OTOA: variants seen among roughly 807,000 people sequenced by gnomAD.
OTOA encodes the protein otoancorin.
Under a neutral mutation model 110.8 loss-of-function variants are expected in OTOA, and 70 were observed. That is an observed-to-expected ratio of 0.63 (90% confidence interval 0.52 to 0.77). OTOA has a LOEUF of 0.77. Ranked by LOEUF, OTOA falls within the 30% of genes least tolerant of loss-of-function variation. The pLI, the probability that OTOA is intolerant of heterozygous loss-of-function variation, is 0.00. For synonymous variants in OTOA, 373 were observed against 431.5 expected, an observed-to-expected ratio of 0.86 and a Z score of 1.68; for missense variants, 917 against 1,075.8, an observed-to-expected ratio of 0.85 and a Z score of 2.06.
intron 8 of OTOA, 99 bp downstream of exon 8, chr16:21,687,747 A>C (rs187304579): frequency 2.9e-6 from 3 of 1,027,814 alleles, no homozygotes; most frequent in Admixed American, 2.1e-5. Flanking sequence ...GGCTCACTGC[A>C]ACCTCTGCCT....
chr16:21,758,894 C>T (rs1351399894), intron 28 of OTOA, among the ~76,000 whole-genome samples: 4 of 151,514 alleles, frequency 2.6e-5, no homozygotes, highest in African/African-American at 4.9e-5. Context: ...CCCAGCTATT[C>T]GGGAGGCTAA....
At chr16:21,701,862 G>A (rs541634363) in intron 11 of OTOA, among the ~76,000 whole-genome samples, 7 of 148,272 alleles carry the variant, frequency 4.7e-5, no homozygotes, top group African/African-American at 1.5e-4. Context: ...CTCTTGAACT[G>A]CTGACCTCAG....
At chr16:21,724,748 T>G (rs149226174) in intron 18 of OTOA, among the ~76,000 whole-genome samples, 1 of 152,156 alleles carries the variant, frequency 6.6e-6, no homozygotes, top group African/African-American at 2.4e-5. Flanking sequence ...AGCCATTTTA[T>G]TTTCTTCCTT....
intron 22 of OTOA, among the ~76,000 whole-genome samples, chr16:21,736,909 G>T (rs528797859): frequency 3.3e-5 from 5 of 152,284 alleles, no homozygotes; most frequent in Non-Finnish European, 5.9e-5. Context: ...GGTTTAATGC[G>T]TGAATATGTG....
At chr16:21,691,029 T>C (rs1468276379) in intron 8 of OTOA, among the ~76,000 whole-genome samples, 3 of 136,332 alleles carry the variant, frequency 2.2e-5, no homozygotes, top group African/African-American at 5.5e-5. Context: ...AGTGATCTCA[T>C]TGTTCAATTC....
At chr16:21,674,731 T>C (rs1316654179) in intron 1 of OTOA, among the ~76,000 whole-genome samples, 1 of 151,780 alleles carries the variant, frequency 6.6e-6, no homozygotes, top group Non-Finnish European at 1.5e-5. Flanking sequence ...CAGTGCTGAG[T>C]ATCTTCCCAT....
intron 10 of OTOA, among the ~76,000 whole-genome samples, chr16:21,698,457 GATT>G (rs1364920554): frequency 6.6e-6 from 1 of 152,154 alleles, no homozygotes; most frequent in East Asian, 1.9e-4. Flanking sequence ...TGGGCATCAT[GATT>G]CTTGAATGCG....
At chr16:21,687,702 C>G in intron 8 of OTOA, 54 bp downstream of exon 8, 1 of 1,461,232 alleles carries the variant, frequency 6.8e-7, no homozygotes, top group Non-Finnish European at 9.3e-7. Flanking sequence ...GAGTTTCACT[C>G]TGTCGCCCAG....
At chr16:21,734,459 A>G (rs1156377470) in intron 21 of OTOA, among the ~76,000 whole-genome samples, 1 of 151,404 alleles carries the variant, frequency 6.6e-6, no homozygotes, top group African/African-American at 2.4e-5. Flanking sequence ...AATTTGTACA[A>G]CAAACCTCCA....
chr16:21,675,512 A>G (rs1357818362), intron 1 of OTOA, among the ~76,000 whole-genome samples: 1 of 151,558 alleles, frequency 6.6e-6, no homozygotes, highest in African/African-American at 2.4e-5. Flanking sequence ...CTCCAGTTAC[A>G]CATATTTCAA....
At chr16:21,714,707 G>A (rs182113794) in intron 13 of OTOA, among the ~76,000 whole-genome samples, 21 of 151,988 alleles carry the variant, frequency 1.4e-4, no homozygotes, top group Admixed American at 1.2e-3. Flanking sequence ...AGATGGGGTT[G>A]CACCATGTTG....
At chr16:21,664,697 G>A (rs976956278) in intron 1 of OTOA, among the ~76,000 whole-genome samples, 2 of 152,000 alleles carry the variant, frequency 1.3e-5, no homozygotes, top group African/African-American at 4.8e-5. Flanking sequence ...TGCAGGTAAA[G>A]GCCGGGGCTC....
chr16:21,674,118 A>G (rs534245477), intron 1 of OTOA, among the ~76,000 whole-genome samples: 94 of 151,874 alleles, frequency 6.2e-4, no homozygotes, highest in Admixed American at 1.8e-3. Flanking sequence ...TTTTATGTGA[A>G]CATAAATTTT....
intron 7 of OTOA, among the ~76,000 whole-genome samples, chr16:21,687,072 GA>G (rs1897729778): frequency 1.3e-5 from 2 of 152,148 alleles, no homozygotes; most frequent in South Asian, 2.1e-4. Context: ...AAGTTGGAGG[GA>G]TCAGAGACTT....
chr16:21,732,191 C>A (rs916574007), intron 21 of OTOA, among the ~76,000 whole-genome samples: 16 of 152,322 alleles, frequency 1.1e-4, no homozygotes, highest in Admixed American at 9.8e-4. Flanking sequence ...GTCTTGAACT[C>A]CTGACCTCAA....
At chr16:21,713,380 G>T (rs1166450749) in intron 13 of OTOA, among the ~76,000 whole-genome samples, 1 of 152,254 alleles carries the variant, frequency 6.6e-6, no homozygotes, top group South Asian at 2.1e-4. Context: ...GCAGGATGTC[G>T]GTAGAGAGGG....
chr16:21,696,357 T>A lies in OTOA; in HGVS notation c.740-1418T>A, dbSNP rs552523159. Among the ~76,000 whole-genome samples the A allele has an allele frequency of 5.3e-5, 8 of 152,150 alleles. No homozygotes were observed. In the East Asian group the frequency reaches 1.5e-3, roughly 29 times the overall value. ...AAGGGAGAGGAAAATTTGAGCTTGA[T>A]CTTAAAGTAGGATTTGGATGCAGAA... On this transcript the variant is annotated intron_variant, in intron 9 of 28. Transcript: ENST00000646100.
At chr16:21,696,655 C>A (rs1897946635) in intron 9 of OTOA, among the ~76,000 whole-genome samples, 1 of 151,784 alleles carries the variant, frequency 6.6e-6, no homozygotes, top group Non-Finnish European at 1.5e-5. Context: ...CTGCCACCTC[C>A]ACCTCCCGGG....
rs925681320 is a variant in OTOA at position 21,726,556 on chromosome 16, G to A, written c.1914G>A (p.Gln638=). The A allele has an allele frequency of 2.5e-6, 4 of 1,613,942 alleles. No individual in the cohort carries two copies. The African/African-American group carries it at 5.3e-5, about 22-fold the overall frequency. Residue 638 remains glutamine, a synonymous_variant, in exon 19 of 29, where the codon CAG becomes CAA. Transcript: ENST00000646100. Reference sequence around the variant, plus strand: ...ACCTGGCTTCTGTCCCAGCCTCCCAGTGTGTGCCCTTTCTGATCAGCCTGG... The same window carrying A: ...ACCTGGCTTCTGTCCCAGCCTCCCAATGTGTGCCCTTTCTGATCAGCCTGG... The part of the protein sequence containing the change: ...ARYLASVPAS[Q]CVPFLISLGK...
Sources: allele counts gnomAD v4.1 joint callset (sites outside exome capture counted in the v4.1 genomes callset), GRCh38; gene constraint gnomAD v4.1.1; transcripts MANE v1.5; gene names NCBI Gene and HGNC (gene_info 2026-07-23, HGNC 2026-07-21).